BICC1: variants seen among roughly 807,000 people sequenced by gnomAD.
BICC1 encodes the protein protein bicaudal C homolog 1.
BICC1 carries 43 observed loss-of-function variants against 111.0 expected under a neutral mutation model. The observed-to-expected ratio is 0.39, with a 90% CI of 0.30 to 0.50. The LOEUF (loss-of-function observed/expected upper bound fraction) is 0.50, where lower values mean the gene tolerates loss of function less well. BICC1 is among the 20% of genes least tolerant of loss of function. The probability of loss-of-function intolerance (pLI) is 0.88; values close to 1 mark genes in which losing one functional copy is unlikely to be tolerated. For synonymous variants in BICC1, 467 were observed against 434.4 expected, an observed-to-expected ratio of 1.07 and a Z score of -0.93; for missense variants, 1,091 against 1,203.2, an observed-to-expected ratio of 0.91 and a Z score of 1.38.
chr10:58,547,795 T>A (rs184080625), intron 1 of BICC1, among the ~76,000 whole-genome samples: 138 of 152,318 alleles, frequency 9.1e-4, no homozygotes, highest in African/African-American at 3.2e-3. Context: ...GGCTACTGTG[T>A]CCCTTTGATA....
At chr10:58,643,293 A>G (rs138140590) in intron 2 of BICC1, among the ~76,000 whole-genome samples, 207 of 152,314 alleles carry the variant, frequency 1.4e-3, no homozygotes, top group Middle Eastern at 0.01. Context: ...GTCCAAGAGC[A>G]TTTGGCTACA....
chr10:58,519,640 GC>G (rs903993774), intron 1 of BICC1, among the ~76,000 whole-genome samples: 8 of 151,878 alleles, frequency 5.3e-5, no homozygotes, highest in African/African-American at 1.7e-4. Flanking sequence ...TCATCAGGCA[GC>G]CCCTGAACCA....
chr10:58,750,074 A>G (rs1486049687), intron 3 of BICC1, among the ~76,000 whole-genome samples: 2 of 152,168 alleles, frequency 1.3e-5, no homozygotes, highest in Non-Finnish European at 2.9e-5. Flanking sequence ...AGCAAAATCT[A>G]GAGCAGTGTG....
At chr10:58,776,820 T>G (rs1842760611) in intron 3 of BICC1, among the ~76,000 whole-genome samples, 1 of 152,176 alleles carries the variant, frequency 6.6e-6, no homozygotes, top group African/African-American at 2.4e-5. Flanking sequence ...TTTCCTCCCC[T>G]TCCCAGAATC....
intron 3 of BICC1, among the ~76,000 whole-genome samples, chr10:58,748,776 C>T (rs1841906566): frequency 6.6e-6 from 1 of 152,104 alleles, no homozygotes; most frequent in Non-Finnish European, 1.5e-5. Flanking sequence ...TTGAGCCCTA[C>T]CCCCTGAGAC....
chr10:58,523,399 A>G (rs1213438165), intron 1 of BICC1, among the ~76,000 whole-genome samples: 1 of 152,246 alleles, frequency 6.6e-6, no homozygotes, highest in Non-Finnish European at 1.5e-5. Flanking sequence ...CTGGTTTAAC[A>G]TACGCAAATC....
chr10:58,599,224 A>G (rs1844941535), intron 1 of BICC1, among the ~76,000 whole-genome samples: 1 of 152,192 alleles, frequency 6.6e-6, no homozygotes, highest in Non-Finnish European at 1.5e-5. Context: ...GGCACTGTTC[A>G]CAATAGCAAA....
chr10:58,669,079 C>A (rs1201530943), intron 2 of BICC1, among the ~76,000 whole-genome samples: 1 of 151,876 alleles, frequency 6.6e-6, no homozygotes, highest in Non-Finnish European at 1.5e-5. Flanking sequence ...ACCTTATCTA[C>A]TGAAAATAAG....
intron 1 of BICC1, among the ~76,000 whole-genome samples, chr10:58,594,417 A>G (rs1443086519): frequency 2.0e-5 from 3 of 152,154 alleles, no homozygotes; most frequent in Non-Finnish European, 4.4e-5. Context: ...CCTAAGACAC[A>G]TAATTTTGAG....
At chr10:58,578,100 A>G (rs948804584) in intron 1 of BICC1, among the ~76,000 whole-genome samples, 4 of 152,196 alleles carry the variant, frequency 2.6e-5, no homozygotes, top group African/African-American at 9.7e-5. Context: ...ATGGACCTGT[A>G]AAGTGTGTGA....
In BICC1 at chr10:58,806,567, T is replaced by G; in HGVS notation, c.2182-17T>G. The G allele has an allele frequency of 6.2e-7, 1 of 1,611,008 alleles. No homozygotes were observed. The highest frequency in any genetic ancestry group is 8.5e-7 in the Non-Finnish European group (1 of 1,177,372). ...TGGAGAGACTGTCAATAAAGGTATT[T>G]TCTGTTTCATTTTCAGGCATTTGAC... is the stretch of plus-strand genomic sequence containing the variant. On this transcript the variant is annotated splice_polypyrimidine_tract_variant and intron_variant, in intron 15 of 20. Coordinates refer to ENST00000373886, the MANE Select transcript of BICC1 (RefSeq NM_001080512.3).
chr10:58,756,448 G>A (rs1842146117), intron 3 of BICC1, among the ~76,000 whole-genome samples: 1 of 152,102 alleles, frequency 6.6e-6, no homozygotes, highest in Admixed American at 6.5e-5. Flanking sequence ...TGATTTTTAA[G>A]CTTGCTCTTA....
At chr10:58,667,714 A>G (rs538425292) in intron 2 of BICC1, among the ~76,000 whole-genome samples, 1 of 152,218 alleles carries the variant, frequency 6.6e-6, no homozygotes, top group African/African-American at 2.4e-5. Context: ...TAAAGTAACT[A>G]CAGGGTTCAC....
At chr10:58,520,595 T>C (rs1010641923) in intron 1 of BICC1, among the ~76,000 whole-genome samples, 4 of 152,320 alleles carry the variant, frequency 2.6e-5, no homozygotes, top group Non-Finnish European at 5.9e-5. Flanking sequence ...TTCCCTGTTA[T>C]AGTGAGAATG....
intron 1 of BICC1, among the ~76,000 whole-genome samples, chr10:58,574,047 G>C (rs1010064493): frequency 6.6e-6 from 1 of 152,226 alleles, no homozygotes; most frequent in East Asian, 1.9e-4. Flanking sequence ...TGACTCTGGA[G>C]TGTGAGCCTC....
chr10:58,785,115 C>T (rs1842973885), intron 4 of BICC1, 35 bp downstream of exon 4: 8 of 1,327,584 alleles, frequency 6.0e-6, no homozygotes, highest in Non-Finnish European at 8.3e-6. Flanking sequence ...GATGTCAGAA[C>T]CTTGTCTCTA....
intron 1 of BICC1, among the ~76,000 whole-genome samples, chr10:58,519,358 G>A (rs765780778): frequency 6.6e-6 from 1 of 152,176 alleles, no homozygotes; most frequent in Non-Finnish European, 1.5e-5. Flanking sequence ...AAGACTCTGG[G>A]AATGTATCTT....
chr10:58,689,518 A>G (rs1029164727), intron 2 of BICC1, among the ~76,000 whole-genome samples: 3 of 152,220 alleles, frequency 2.0e-5, no homozygotes, highest in Non-Finnish European at 4.4e-5. Context: ...CAAGGTTGCA[A>G]CTTGCTTCAG....
intron 2 of BICC1, among the ~76,000 whole-genome samples, chr10:58,652,186 A>G (rs1344136413): frequency 1.2e-4 from 18 of 152,174 alleles, no homozygotes; most frequent in Admixed American, 1.2e-3. Flanking sequence ...GATGAACATA[A>G]CCAATCTATC....
Sources: allele counts gnomAD v4.1 joint callset (sites outside exome capture counted in the v4.1 genomes callset), GRCh38; gene constraint gnomAD v4.1.1; transcripts MANE v1.5; gene names NCBI Gene and HGNC (gene_info 2026-07-23, HGNC 2026-07-21).